UST: variants seen among roughly 807,000 people sequenced by gnomAD.
UST encodes the protein chondroitin sulfate 2-O-sulfotransferase.
In UST, 21 loss-of-function variants were observed where a neutral mutation model predicts 45.6. The observed-to-expected ratio is 0.46, with a 90% confidence interval of 0.33 to 0.66. UST has a LOEUF of 0.66. UST is among the 30% of genes least tolerant of loss of function. UST has a pLI of 0.02. For missense variants in UST, 463 were observed against 512.4 expected (o/e 0.90, Z 0.93); for synonymous variants, 215 against 200.6 (o/e 1.07, Z -0.61).
chr6:148,936,356 G>A (rs1369777696), intron 2 of UST, among the ~76,000 whole-genome samples: 1 of 152,130 alleles, frequency 6.6e-6, no homozygotes, highest in African/African-American at 2.4e-5. Context: ...TTAGGAATCT[G>A]TGATCCACGG....
At chr6:148,888,207 G>A (rs1211666054) in intron 2 of UST, among the ~76,000 whole-genome samples, 1 of 152,136 alleles carries the variant, frequency 6.6e-6, no homozygotes, top group East Asian at 1.9e-4. Context: ...GAGGGATTGG[G>A]GGAGGTACCA....
intron 1 of UST, among the ~76,000 whole-genome samples, chr6:148,827,751 C>T (rs971858961): frequency 7.6e-6 from 1 of 131,518 alleles, no homozygotes; most frequent in Non-Finnish European, 1.6e-5. Context: ...AAACCAACAA[C>T]AAAAACACTA....
chr6:148,973,419 A>G (rs1780959098), intron 5 of UST, among the ~76,000 whole-genome samples: 1 of 151,970 alleles, frequency 6.6e-6, no homozygotes, highest in Non-Finnish European at 1.5e-5. Context: ...TCAAAGAGAC[A>G]TGTGACATTC....
At chr6:149,043,294 A>G (rs1207752336) in intron 7 of UST, among the ~76,000 whole-genome samples, 1 of 150,190 alleles carries the variant, frequency 6.7e-6, no homozygotes, top group Non-Finnish European at 1.5e-5. Flanking sequence ...TATTTTTTAT[A>G]GAGGTGAGGT....
At chr6:148,823,788 A>C (rs1399863666) in intron 1 of UST, among the ~76,000 whole-genome samples, 2 of 152,124 alleles carry the variant, frequency 1.3e-5, no homozygotes, top group Non-Finnish European at 2.9e-5. Context: ...ATTTTTATAG[A>C]ATTTTAGATG....
intron 7 of UST, among the ~76,000 whole-genome samples, chr6:149,058,344 CATGTGTGTGTGTGTGTGTGTGTGT>C (rs1302849412): frequency 7.9e-6 from 1 of 126,662 alleles, no homozygotes; most frequent in Non-Finnish European, 1.6e-5. Context: ...AAAGGAGGAG[CATGTGTGTGTGTGTGTGTGTGTGT>C]GTGTGTGTGT....
chr6:148,885,415 C>T lies in UST; in HGVS notation c.248-1571C>T, dbSNP rs575238081. On this transcript the variant is annotated intron_variant, in intron 1 of 7. Transcript: ENST00000367463. ...TTCTTTGACTCATATAACCTCTTTA[C>T]TAAATCCAACATAGATCTTACATCC... Among the ~76,000 whole-genome samples, 45 of 152,298 alleles carry T rather than the reference C, an allele frequency of 3.0e-4. No individual in the cohort carries two copies. The South Asian group carries it at 8.7e-3, about 29-fold the overall frequency.
At chr6:148,806,646 C>A (rs1382479015) in intron 1 of UST, among the ~76,000 whole-genome samples, 1 of 152,268 alleles carries the variant, frequency 6.6e-6, no homozygotes, top group South Asian at 2.1e-4. Context: ...GCCCCCTATG[C>A]CTTTCAAATT....
intron 7 of UST, among the ~76,000 whole-genome samples, chr6:149,058,308 T>A (rs989907632): frequency 6.6e-6 from 1 of 151,230 alleles, no homozygotes; most frequent in Non-Finnish European, 1.5e-5. Context: ...TGAAGTGTGA[T>A]TTCAGGAGAG....
At chr6:148,916,732 C>T (rs1273550499) in intron 2 of UST, among the ~76,000 whole-genome samples, 1 of 152,212 alleles carries the variant, frequency 6.6e-6, no homozygotes, top group Non-Finnish European at 1.5e-5. Flanking sequence ...ATAGCCCCAG[C>T]ACCTTGCGTT....
At chr6:148,806,802 A>T (rs942404658) in intron 1 of UST, among the ~76,000 whole-genome samples, 1 of 152,150 alleles carries the variant, frequency 6.6e-6, no homozygotes, top group African/African-American at 2.4e-5. Flanking sequence ...CATGGCGAGG[A>T]TGCAAGTGCA....
intron 7 of UST, among the ~76,000 whole-genome samples, chr6:149,032,740 C>A (rs1776173202): frequency 1.3e-5 from 2 of 152,170 alleles, no homozygotes. Context: ...CCCAGATGCC[C>A]CCCTCTGTGT....
At chr6:148,819,479 A>T (rs1431934538) in intron 1 of UST, among the ~76,000 whole-genome samples, 1 of 152,248 alleles carries the variant, frequency 6.6e-6, no homozygotes, top group Non-Finnish European at 1.5e-5. Context: ...ATTGACTTAG[A>T]GATAGAAAGA....
intron 1 of UST, among the ~76,000 whole-genome samples, chr6:148,876,533 G>A (rs1170897090): frequency 6.6e-6 from 1 of 152,090 alleles, no homozygotes; most frequent in African/African-American, 2.4e-5. Context: ...ATTTGATTCT[G>A]GAGCCTGCAG....
At chr6:148,776,721 A>G (rs1248183083) in intron 1 of UST, among the ~76,000 whole-genome samples, 1 of 152,150 alleles carries the variant, frequency 6.6e-6, no homozygotes, top group African/African-American at 2.4e-5. Flanking sequence ...TTTGTTGGAA[A>G]TCTCTTTAAA....
chr6:148,990,894 C>G (rs572641838), intron 5 of UST, among the ~76,000 whole-genome samples: 1 of 152,134 alleles, frequency 6.6e-6, no homozygotes, highest in Non-Finnish European at 1.5e-5. Flanking sequence ...GGAAGCTGAT[C>G]GTATCTATTC....
intron 1 of UST, among the ~76,000 whole-genome samples, chr6:148,767,590 G>GTT (rs141995999): frequency 2.0e-4 from 30 of 149,900 alleles, no homozygotes; most frequent in African/African-American, 3.9e-4. Flanking sequence ...TCTAGGTAAA[G>GTT]TTTTTTTTTT....
chr6:148,922,495 T>TTTC (rs1779730058), intron 2 of UST, among the ~76,000 whole-genome samples: 1 of 150,322 alleles, frequency 6.7e-6, no homozygotes, highest in African/African-American at 2.4e-5. Context: ...TCTTTTTCTT[T>TTTC]TTTTTTTTTT....
chr6:148,911,567 T>A (rs922826843), intron 2 of UST, among the ~76,000 whole-genome samples: 1 of 152,224 alleles, frequency 6.6e-6, no homozygotes, highest in African/African-American at 2.4e-5. Context: ...CCTTCAAGTT[T>A]TACTCTTTAG....
Sources: allele counts gnomAD v4.1 joint callset (sites outside exome capture counted in the v4.1 genomes callset), GRCh38; gene constraint gnomAD v4.1.1; transcripts MANE v1.5; gene names NCBI Gene and HGNC (gene_info 2026-07-23, HGNC 2026-07-21).